The following VPS13A variants were observed in gnomAD, a reference collection of about 807,000 sequenced individuals.
The protein encoded by VPS13A is intermembrane lipid transfer protein VPS13A.
In VPS13A, 264 loss-of-function variants were observed where a neutral mutation model predicts 390.9. The observed-to-expected ratio is 0.68, with a 90% CI of 0.61 to 0.75. VPS13A has a LOEUF of 0.75. Among genes scored for constraint, VPS13A ranks in the 30% least tolerant of loss-of-function variants. VPS13A has a pLI of 0.00. For missense variants in VPS13A, 3,409 were observed against 3,733.9 expected (o/e 0.91, Z 2.27); for synonymous variants, 1,231 against 1,227.1 (o/e 1.00, Z -0.07).
intron 71 of VPS13A, among the ~76,000 whole-genome samples, chr9:77,408,937 G>A (rs1587732821): frequency 1.3e-5 from 2 of 152,332 alleles, no homozygotes; most frequent in East Asian, 3.9e-4. Flanking sequence ...TGACAGCCTT[G>A]AAGAGAGTAG....
At chr9:77,319,798 C>T in intron 42 of VPS13A, 125 bp downstream of exon 42, 1 of 542,826 alleles carries the variant, frequency 1.8e-6, no homozygotes, top group Non-Finnish European at 3.2e-6. Flanking sequence ...TCCCGTATAC[C>T]ACCTACTTCT....
chr9:77,253,418 G>A (rs1825255206), intron 22 of VPS13A, among the ~76,000 whole-genome samples: 1 of 152,054 alleles, frequency 6.6e-6, no homozygotes, highest in African/African-American at 2.4e-5. Context: ...TGATTCTCCT[G>A]CCTCAGCCTC....
Position 77,249,815 on chromosome 9 carries a change from T to C in VPS13A, c.2038-282T>C, listed in dbSNP as rs556119592. 5.3e-5 allele frequency among the ~76,000 whole-genome samples: 8 copies of C among 152,302 alleles called. No homozygotes were observed. In the South Asian group the frequency reaches 1.7e-3, roughly 32 times the overall value. On this transcript the variant is annotated intron_variant, in intron 20 of 71. Transcript: ENST00000360280. ...TTGCTCTTAATCAGAAGGCCTCTTA[T>C]CACATTTAAAAAATTTGTAGACATA...
intron 27 of VPS13A, 82 bp from the exon 28 acceptor site, chr9:77,281,784 TA>T: frequency 1.2e-6 from 1 of 814,734 alleles, no homozygotes; most frequent in Non-Finnish European, 2.1e-6. Flanking sequence ...GAAAATTATA[TA>T]AATGTGTATT....
chr9:77,271,419 T>C (rs1412439704), intron 23 of VPS13A, among the ~76,000 whole-genome samples: 1 of 152,180 alleles, frequency 6.6e-6, no homozygotes, highest in Non-Finnish European at 1.5e-5. Context: ...TAAGGTTAAG[T>C]ATATACTTAC....
At chr9:77,260,351 CTTTTTTTTTTTTT>C in intron 23 of VPS13A, 127 bp downstream of exon 23, 1 of 375,842 alleles carries the variant, frequency 2.7e-6, no homozygotes, top group South Asian at 2.5e-5. Flanking sequence ...AAGAAAATTA[CTTTTTTTTTTTTT>C]TTTTTTTTTT....
intron 62 of VPS13A, 52 bp downstream of exon 62, chr9:77,368,188 C>T: frequency 7.0e-7 from 1 of 1,430,828 alleles, no homozygotes; most frequent in Non-Finnish European, 9.7e-7. Context: ...ACTGGTAAAA[C>T]CTTTTGTGTC....
chr9:77,328,474 A>G (rs1830122424), intron 45 of VPS13A, among the ~76,000 whole-genome samples: 2 of 152,244 alleles, frequency 1.3e-5, no homozygotes, highest in Admixed American at 1.3e-4. Flanking sequence ...GAAGCTTTGA[A>G]GCTAAGCATT....
At chr9:77,402,869 T>C (rs1485219679) in intron 68 of VPS13A, among the ~76,000 whole-genome samples, 3 of 152,216 alleles carry the variant, frequency 2.0e-5, no homozygotes, top group Non-Finnish European at 2.9e-5. Context: ...TATGTTTAGA[T>C]TTGTGTTAGT....
chr9:77,383,669 T>C (rs1833551903), intron 68 of VPS13A, among the ~76,000 whole-genome samples: 1 of 152,016 alleles, frequency 6.6e-6, no homozygotes, highest in African/African-American at 2.4e-5. Context: ...GTGAAGCTTC[T>C]CATTGTTTTC....
At position 77,280,174 on chromosome 9, in the gene VPS13A, C is replaced by T. The variant is rs772119116; in HGVS notation, c.2840C>T (p.Pro947Leu). 1.1e-5 allele frequency: 17 copies of T among 1,609,802 alleles called. No individual in the cohort carries two copies. The East Asian group carries it at 2.9e-4, about 28-fold the overall frequency. ...CPEYLDENKK[P>L]VYLVTTLDNT... ...TTATTTTTAGATGAAAACAAGAAAC[C>T]AGTTTATTTGGTTACAACCCTGGAT... The change falls in exon 27 of 72, where the codon CCA becomes CTA. Residue 947 changes from proline (P) to leucine (L), a missense_variant. By Grantham distance (98) the Pro-to-Leu change is moderately conservative. Around this residue, in one of 5 missense-constraint regions of VPS13A, gnomAD observed 2,717 missense variants for 2,917.4 expected, o/e 0.93. Coordinates refer to ENST00000360280, the MANE Select transcript of VPS13A (RefSeq NM_033305.3).
At chr9:77,240,566 C>A (rs1329361571) in intron 19 of VPS13A, among the ~76,000 whole-genome samples, 1 of 150,994 alleles carries the variant, frequency 6.6e-6, no homozygotes, top group East Asian at 1.9e-4. Context: ...CAACCTCTGC[C>A]TCCCAGGTTC....
intron 10 of VPS13A, among the ~76,000 whole-genome samples, chr9:77,217,671 A>G (rs1053399939): frequency 6.6e-6 from 1 of 152,022 alleles, no homozygotes; most frequent in Non-Finnish European, 1.5e-5. Flanking sequence ...AAAGTATTCC[A>G]TGATGTTCAT....
chr9:77,396,633 G>A (rs573999881), intron 68 of VPS13A, among the ~76,000 whole-genome samples: 2 of 152,212 alleles, frequency 1.3e-5, no homozygotes, highest in South Asian at 4.2e-4. Flanking sequence ...CATGGCACTC[G>A]AGTCTGAGGT....
At chr9:77,186,910 C>T (rs1383239728) in intron 1 of VPS13A, among the ~76,000 whole-genome samples, 2 of 152,290 alleles carry the variant, frequency 1.3e-5, no homozygotes, top group South Asian at 2.1e-4. Context: ...TCTTCCCAGA[C>T]CCCAGTAACC....
chr9:77,206,763 T>G (rs1011425300), intron 5 of VPS13A, among the ~76,000 whole-genome samples: 1 of 152,186 alleles, frequency 6.6e-6, no homozygotes, highest in Non-Finnish European at 1.5e-5. Context: ...GTCATCTGTT[T>G]ATGTTCTTCT....
At chr9:77,371,630 A>G (rs1587678589) in intron 67 of VPS13A, among the ~76,000 whole-genome samples, 3 of 151,676 alleles carry the variant, frequency 2.0e-5, no homozygotes, top group Admixed American at 6.6e-5. Context: ...GGCAGGTTGC[A>G]TATGGTCTTC....
intron 14 of VPS13A, 32 bp from the exon 15 acceptor site, chr9:77,226,434 G>A (rs529488944): frequency 3.2e-6 from 5 of 1,571,942 alleles, no homozygotes; most frequent in Non-Finnish European, 4.4e-6. Flanking sequence ...AAAGGATAAT[G>A]TGTCATTTAT....
chr9:77,334,143 A>G (rs1445221964), intron 46 of VPS13A, among the ~76,000 whole-genome samples: 2 of 152,214 alleles, frequency 1.3e-5, no homozygotes, highest in Non-Finnish European at 2.9e-5. Flanking sequence ...GCATGCATGA[A>G]CAAAGATAAG....
Sources: allele counts gnomAD v4.1 joint callset (sites outside exome capture counted in the v4.1 genomes callset), GRCh38; gene constraint gnomAD v4.1.1; regional missense constraint gnomAD v4.1.1; transcripts MANE v1.5; gene names NCBI Gene and HGNC (gene_info 2026-07-23, HGNC 2026-07-21).